Variants in ACOT2 observed in about 807,000 individuals in gnomAD.
The protein encoded by ACOT2 is acyl-coenzyme A thioesterase 2, mitochondrial.
ACOT2 carries 15 observed loss-of-function variants against 20.1 expected under a neutral mutation model. That is an observed-to-expected ratio of 0.75 (90% CI 0.50 to 1.15). ACOT2 has a LOEUF of 1.15. ACOT2 is among the 50% of genes most tolerant of loss of function. The pLI is 0.00. For missense variants in ACOT2, 479 were observed against 615.3 expected, an observed-to-expected ratio of 0.78 and a Z score of 2.34; for synonymous variants, 252 against 268.4, an observed-to-expected ratio of 0.94 and a Z score of 0.60.
chr14:73,571,834 A>G (rs1034016025), intron 1 of ACOT2, among the ~76,000 whole-genome samples: 5 of 152,150 alleles, frequency 3.3e-5, no homozygotes, highest in African/African-American at 1.2e-4. Context: ...CATTTACAAT[A>G]GGAAAACCTC....
intron 1 of ACOT2, among the ~76,000 whole-genome samples, chr14:73,572,575 G>A (rs1489926718): frequency 2.0e-5 from 3 of 149,030 alleles, no homozygotes; most frequent in Non-Finnish European, 3.0e-5. Flanking sequence ...TCTGTGGGAC[G>A]TTGATGGTTT....
intron 1 of ACOT2, among the ~76,000 whole-genome samples, chr14:73,572,615 A>C: frequency 7.5e-6 from 1 of 133,658 alleles, no homozygotes; most frequent in South Asian, 2.6e-4. Context: ...TATGTCTTAA[A>C]AGTGTTGCCT....
In ACOT2 at chr14:73,569,306, C is replaced by T. The variant is rs146500239; in HGVS notation, c.66C>T (p.Ala22=). The T allele has an allele frequency of 1.1e-5, 18 of 1,613,838 alleles. No individual in the cohort carries two copies. The highest frequency in any genetic ancestry group is 1.4e-5 in the Non-Finnish European group (17 of 1,179,800). ...SVVLRSEFKM[A]SSPAVLRASR... ...TTCTCAGGTCTGAATTCAAAATGGC[C>T]TCATCTCCTGCTGTCCTTCGAGCGT... Residue 22 remains alanine (A), a synonymous_variant, in exon 1 of 3, where the codon GCC becomes GCT. Transcript: ENST00000238651.
intron 1 of ACOT2, chr14:73,571,355 G>GC (rs1889743630): frequency 6.2e-6 from 1 of 160,206 alleles, no homozygotes; most frequent in Non-Finnish European, 1.4e-5. Flanking sequence ...TCCAGGTGCT[G>GC]CCCTACCCAG....
rs1407282030 is a variant in ACOT2 at position 73,569,975 on chromosome 14, C to CA, written c.643+92_643+93insA. On this transcript the variant is annotated intron_variant, in intron 1 of 2. Coordinates refer to ENST00000238651, the MANE Select transcript of ACOT2 (RefSeq NM_006821.6). ...CGCTTTTCGCTTATGTGTATGCCCC[C>CA]CCGCCGCGCCCCCGGGCTATATTGC... The CA allele has an allele frequency of 3.5e-5, 51 of 1,460,372 alleles. No homozygotes were observed. In the East Asian group the frequency reaches 1.1e-3, roughly 31 times the overall value. 90.5% of individuals were successfully genotyped at this position (1,460,372 alleles called of 1,614,324 possible).
At chr14:73,573,867 C>T (rs1889818849) in intron 2 of ACOT2, among the ~76,000 whole-genome samples, 1 of 151,980 alleles carries the variant, frequency 6.6e-6, no homozygotes, top group African/African-American at 2.4e-5. Flanking sequence ...GTTGGGATTA[C>T]AGGCACCTGC....
At chr14:73,567,695 C>G (rs184207553), upstream of ACOT2, 2 of 152,014 alleles carry the variant, frequency 1.3e-5, no homozygotes, top group Non-Finnish European at 2.9e-5. Context: ...GCTACTGCTC[C>G]TTCTTTGGGT....
intron 1 of ACOT2, among the ~76,000 whole-genome samples, chr14:73,570,349 C>T (rs1442760252): frequency 1.3e-5 from 2 of 151,794 alleles, no homozygotes; most frequent in African/African-American, 4.8e-5. Context: ...GCGGGCAGAT[C>T]ACGAGATCAA....
rs187224519 is a variant in ACOT2 at position 73,573,846 on chromosome 14, C to G, written c.846+256C>G. Among the ~76,000 whole-genome samples the G allele has an allele frequency of 1.5e-3, 226 of 152,054 alleles. 2 individuals are homozygous for G. In the East Asian group the frequency reaches 0.029, roughly 19 times the overall value. ...AGTTCAAGTGATTCTTGTGCCCCAC[C>G]CTCCCGAGTAGTTGGGATTACAGGC... On this transcript the variant is annotated intron_variant, in intron 2 of 2. Transcript: ENST00000238651.
At chr14:73,570,760 C>T (rs1301323260) in intron 1 of ACOT2, among the ~76,000 whole-genome samples, 1 of 151,262 alleles carries the variant, frequency 6.6e-6, no homozygotes, top group Non-Finnish European at 1.5e-5. Flanking sequence ...GAAAAATTAG[C>T]CAGGCGTGGT....
chr14:73,569,770 A>G lies in ACOT2; in HGVS notation c.530A>G (p.Asp177Gly), dbSNP rs536443149. ...GAGGTGCTGGATGGCCACGACCCCG[A>G]CCCCGGGCGGCTGCTGTGCCAGACG... is the stretch of plus-strand genomic sequence containing the variant. ...ELEVLDGHDP[D>G]PGRLLCQTRH... Residue 177 changes from aspartate (D) to glycine (G), a missense_variant, in exon 1 of 3, where the codon GAC (aspartate) becomes GGC (glycine). By Grantham distance (94) the Asp-to-Gly change is moderately conservative. This residue lies in a region of ACOT2 where 400 missense variants were observed against 395.5 expected (regional missense o/e 1.01). Coordinates refer to ENST00000238651, the MANE Select transcript of ACOT2 (RefSeq NM_006821.6). 3.2e-5 allele frequency: 51 copies of G among 1,606,910 alleles called. No individual in the cohort carries two copies. In the South Asian group the frequency reaches 5.6e-4, roughly 18 times the overall value.
upstream of ACOT2, among the ~76,000 whole-genome samples, chr14:73,568,420 A>C (rs1277942706): frequency 6.6e-6 from 1 of 151,738 alleles, no homozygotes; most frequent in Non-Finnish European, 1.5e-5. Flanking sequence ...AGCGCGATGC[A>C]TGGGGAGCTC....
chr14:73,568,294 G>A (rs1889640106), upstream of ACOT2, among the ~76,000 whole-genome samples: 1 of 151,880 alleles, frequency 6.6e-6, no homozygotes. Context: ...TAATTACACA[G>A]GTAGGAAATT....
rs781547375 is a variant in ACOT2, at chr14:73,569,321, C to A, written c.81C>A (p.Val27=). ...SEFKMASSPA[V]LRASRLYQWS... is the part of the protein sequence containing the mutation. ...TCAAAATGGCCTCATCTCCTGCTGTCCTTCGAGCGTCCCGGCTGTACCAAT... is the reference window on the plus strand; with the variant it reads ...TCAAAATGGCCTCATCTCCTGCTGTACTTCGAGCGTCCCGGCTGTACCAAT... The change falls in exon 1 of 3, where the codon GTC becomes GTA. Residue 27 remains valine (V), a synonymous_variant. Coordinates refer to ENST00000238651, the MANE Select transcript of ACOT2 (RefSeq NM_006821.6). 36 of 1,613,838 alleles carry A rather than the reference C, an allele frequency of 2.2e-5. 1 individual carries two copies. The highest frequency in any genetic ancestry group is 2.7e-5 in the Non-Finnish European group (32 of 1,179,804).
In ACOT2 at chr14:73,575,487, G is replaced by C. The variant is rs779958740; in HGVS notation, c.1426G>C (p.Glu476Gln). The C allele has an allele frequency of 6.6e-7, 1 of 1,507,298 alleles. No individual in the cohort carries two copies. The highest frequency in any genetic ancestry group is 8.8e-7 in the Non-Finnish European group (1 of 1,131,782). 93.4% of individuals were successfully genotyped at this position (1,507,298 alleles called of 1,614,324 possible). A position where few individuals can be genotyped will look rare whatever the true frequency, so the allele number is the denominator to read the frequency against. The change falls in exon 3 of 3, where the codon GAG becomes CAG. Residue 476 changes from glutamate (E) to glutamine (Q), a missense_variant. Around this residue, in one of 4 missense-constraint regions of ACOT2, gnomAD observed 40 missense variants for 93.4 expected, o/e 0.43. Transcript: ENST00000238651. ...CTTCCACAAACACTTGGGTGGCCAC[G>C]AGGGGACAATCCCATCAAAAGTGTA... ...TFFHKHLGGHEGTIPSKV is the reference protein window; with the variant it reads ...TFFHKHLGGHQGTIPSKV
intron 1 of ACOT2, chr14:73,571,252 T>A (rs1458371471): frequency 5.2e-5 from 8 of 154,458 alleles, no homozygotes; most frequent in Admixed American, 4.5e-4. Context: ...CCTCTCCTCT[T>A]GGCCTCGAAT....
Position 73,573,551 on chromosome 14 carries a change from C to G in ACOT2, c.807C>G (p.Tyr269Ter). 1 of 1,613,656 alleles carries G rather than the reference C, an allele frequency of 6.2e-7. No individual in the cohort carries two copies. The highest frequency in any genetic ancestry group is 8.5e-7 in the Non-Finnish European group (1 of 1,179,694). Residue 269 changes from tyrosine (Y) to a stop codon, truncating the protein, a stop_gained, in exon 2 of 3, where the codon TAC (tyrosine) becomes TAG (stop). Transcript: ENST00000238651. LOFTEE classifies it low-confidence loss of function (END_TRUNC). ...CCATGGAGACGCTCCATCTGGAGTA[C>G]TTTGAAGAAGCCATGAACTACTTGC... ...PKTMETLHLE[Y>*]FEEAMNYLLS...
At chr14:73,573,866 A>G (rs974972698) in intron 2 of ACOT2, among the ~76,000 whole-genome samples, 11 of 152,088 alleles carry the variant, frequency 7.2e-5, no homozygotes, top group Admixed American at 2.0e-4. Flanking sequence ...AGTTGGGATT[A>G]CAGGCACCTG....
chr14:73,569,583 C>T lies in ACOT2; in HGVS notation c.343C>T (p.Arg115Cys). Reference sequence around the variant, plus strand: ...GCTTTTCCAGGCCCACGCGCGCTACCGCGCCGACACTCTTGGCGAGCTGGA... The same window carrying T: ...GCTTTTCCAGGCCCACGCGCGCTACTGCGCCGACACTCTTGGCGAGCTGGA... ...GALFQAHARYRADTLGELDLE... is the reference protein window; with the variant it reads ...GALFQAHARYCADTLGELDLE... Residue 115 changes from arginine (R) to cysteine (C), a missense_variant, in exon 1 of 3, where the codon CGC (arginine) becomes TGC (cysteine). This residue lies in a region of ACOT2 where 400 missense variants were observed against 395.5 expected (regional missense o/e 1.01). Transcript: ENST00000238651. 6.2e-7 allele frequency: 1 copy of T among 1,600,478 alleles called. No homozygotes were observed. The highest frequency in any genetic ancestry group is 1.1e-5 in the South Asian group (1 of 90,326).
Sources: allele counts gnomAD v4.1 joint callset (sites outside exome capture counted in the v4.1 genomes callset), GRCh38; gene constraint gnomAD v4.1.1; regional missense constraint gnomAD v4.1.1; transcripts MANE v1.5; gene names NCBI Gene and HGNC (gene_info 2026-07-23, HGNC 2026-07-21).